Variants in RABGAP1 observed in about 807,000 individuals in gnomAD.
RABGAP1 encodes rab GTPase-activating protein 1.
In RABGAP1, 23 loss-of-function variants were observed where a neutral mutation model predicts 137.6. That is an observed-to-expected ratio of 0.17 (90% CI 0.12 to 0.24). The LOEUF (loss-of-function observed/expected upper bound fraction) is 0.24. RABGAP1 is among the 10% of genes least tolerant of loss of function. The probability of loss-of-function intolerance (pLI) is 1.00; values close to 1 mark genes in which losing one functional copy is unlikely to be tolerated. For missense variants in RABGAP1, 906 were observed against 1,275.8 expected (o/e 0.71, Z 4.42); for synonymous variants, 451 against 450.7 (o/e 1.00, Z -0.01).
chr9:123,048,045 T>G (rs1004260639), intron 13 of RABGAP1, among the ~76,000 whole-genome samples: 1 of 148,734 alleles, frequency 6.7e-6, no homozygotes, highest in Non-Finnish European at 1.5e-5. Flanking sequence ...GTTCAAGCGA[T>G]TCTCCTGCCT....
chr9:122,958,523 C>A (rs1834665187), intron 2 of RABGAP1, among the ~76,000 whole-genome samples: 1 of 151,844 alleles, frequency 6.6e-6, no homozygotes, highest in African/African-American at 2.4e-5. Flanking sequence ...TGGGGAACAT[C>A]ACACACAGGG....
rs2131818690 is a variant in RABGAP1 at position 122,997,415 on chromosome 9, C to A, written c.1204+54C>A. ...GAAATTTTAGTCTCAAGAAGAGATG[C>A]AAAACTAAGGACCCCTTCTTTGACC... On this transcript the variant is annotated intron_variant, in intron 9 of 25. Transcript: ENST00000373647. The A allele has an allele frequency of 3.8e-6, 5 of 1,316,680 alleles. No individual in the cohort carries two copies. The South Asian group carries it at 5.6e-5, about 15-fold the overall frequency. The allele number at this position is 1,316,680 out of a possible 1,614,324, so 81.6% of individuals were successfully genotyped here.
chr9:122,945,147 C>CTTTTTTTTTTTTTTTTTTTTTTT lies in RABGAP1; in HGVS notation c.-50+4070_-50+4071insTTTTTTTTTTTTTTTTTTTTTTT, dbSNP rs202090815. 3.4e-3 allele frequency among the ~76,000 whole-genome samples: 254 copies of CTTTTTTTTTTTTTTTTTTTTTTT among 75,786 alleles called. 87 individuals are homozygous for CTTTTTTTTTTTTTTTTTTTTTTT. Among genetic ancestry groups the CTTTTTTTTTTTTTTTTTTTTTTT allele is most frequent in the Non-Finnish European group, 5.6e-3 (195 of 34,980 alleles). The allele number at this position is 75,786 out of a possible 152,430, so 49.7% of individuals were successfully genotyped here. A position where few individuals can be genotyped will look rare whatever the true frequency, so the allele number is the denominator to read the frequency against. On this transcript the variant is annotated intron_variant, in intron 1 of 25. Transcript: ENST00000373647. ...CACCATGTATACATCATAGCTGTTG[C>CTTTTTTTTTTTTTTTTTTTTTTT]TTTTTTTTTTTTTTTTAGCATAAAC...
In RABGAP1 at chr9:123,015,289, CTTTT is replaced by C. The variant is rs34492374; in HGVS notation, c.1550-238_1550-235del. Among the ~76,000 whole-genome samples, 1,109 of 121,678 alleles carry C rather than the reference CTTTT, an allele frequency of 9.1e-3. 13 individuals carry two copies. The highest frequency in any genetic ancestry group is 0.032 in the African/African-American group (1,048 of 33,148). 79.8% of individuals were successfully genotyped at this position (121,678 alleles called of 152,430 possible). A position where few individuals can be genotyped will look rare whatever the true frequency, so the allele number is the denominator to read the frequency against. On this transcript the variant is annotated intron_variant, in intron 11 of 25. Coordinates refer to ENST00000373647, the MANE Select transcript of RABGAP1 (RefSeq NM_012197.4). The stretch of plus-strand genomic sequence containing the variant: ...CTATAGTTTTATAATTAAATAGCTC[CTTTT>C]TTTTTTTTTTTTTTTGCAATTGACA...
rs1406651297 is a variant in RABGAP1, at chr9:122,990,092, C to A, written c.802C>A (p.Arg268Ser). ...ACTTTACAGTTTTGCCACTGCCTTC[C>A]GCCGTTCTGCCAAGCAGACCCCACT... The part of the protein sequence containing the change: ...RILYSFATAF[R>S]RSAKQTPLSA... The change falls in exon 6 of 26, where the codon CGC becomes AGC. Residue 268 changes from arginine (R) to serine (S), a missense_variant. By Grantham distance (110) the Arg-to-Ser change is moderately radical. Coordinates refer to ENST00000373647, the MANE Select transcript of RABGAP1 (RefSeq NM_012197.4). 1 of 1,610,582 alleles carries A rather than the reference C, an allele frequency of 6.2e-7. No individual in the cohort carries two copies. The highest frequency in any genetic ancestry group is 1.7e-5 in the Admixed American group (1 of 59,938).
At chr9:122,945,394 G>A (rs1189682333) in intron 1 of RABGAP1, 1 of 152,026 alleles carries the variant, frequency 6.6e-6, no homozygotes, top group African/African-American at 2.4e-5. Flanking sequence ...TGGCCTGAAA[G>A]TTTCCCTCCT....
intron 1 of RABGAP1, among the ~76,000 whole-genome samples, chr9:122,956,539 A>G (rs992256661): frequency 6.6e-6 from 1 of 151,678 alleles, no homozygotes; most frequent in Non-Finnish European, 1.5e-5. Flanking sequence ...AGTCCTAGCT[A>G]CTCAGGAGGC....
intron 13 of RABGAP1, among the ~76,000 whole-genome samples, chr9:123,054,719 A>G (rs146589814): frequency 1.2e-3 from 186 of 152,224 alleles, no homozygotes; most frequent in East Asian, 0.01. Flanking sequence ...GTTGACTGTA[A>G]CAGTTTCTTA....
intron 2 of RABGAP1, among the ~76,000 whole-genome samples, chr9:122,958,760 A>G (rs957040142): frequency 2.0e-5 from 3 of 152,180 alleles, no homozygotes; most frequent in South Asian, 2.1e-4. Flanking sequence ...TATAATCCCA[A>G]CGCTTTGGGA....
intron 13 of RABGAP1, among the ~76,000 whole-genome samples, chr9:123,057,743 T>G (rs1331907932): frequency 6.6e-6 from 1 of 152,200 alleles, no homozygotes; most frequent in Non-Finnish European, 1.5e-5. Context: ...ATCACGCCAC[T>G]GCACTCCAGC....
intron 10 of RABGAP1, among the ~76,000 whole-genome samples, chr9:123,007,315 T>TC (rs954070844): frequency 3.3e-5 from 5 of 151,536 alleles, no homozygotes; most frequent in African/African-American, 1.2e-4. Flanking sequence ...CCTCAAGTAA[T>TC]CTACTTGCCT....
intron 13 of RABGAP1, among the ~76,000 whole-genome samples, chr9:123,064,503 T>TA (rs1201432103): frequency 6.6e-6 from 1 of 152,128 alleles, no homozygotes; most frequent in Non-Finnish European, 1.5e-5. Flanking sequence ...AAAACAGAGG[T>TA]ATCATGTTCT....
chr9:122,956,507 G>T (rs1009329039), intron 1 of RABGAP1, among the ~76,000 whole-genome samples: 2 of 152,026 alleles, frequency 1.3e-5, no homozygotes, highest in Non-Finnish European at 2.9e-5. Context: ...AAAATTAGCC[G>T]GGCGTGGTGG....
intron 13 of RABGAP1, among the ~76,000 whole-genome samples, chr9:123,039,675 A>G (rs2032857046): frequency 1.3e-5 from 2 of 152,208 alleles, no homozygotes; most frequent in South Asian, 4.1e-4. Context: ...TTCGGCCCAG[A>G]GAACTTCAGG....
intron 13 of RABGAP1, among the ~76,000 whole-genome samples, chr9:123,058,148 C>T (rs1352848143): frequency 3.3e-5 from 5 of 152,188 alleles, no homozygotes; most frequent in Admixed American, 3.3e-4. Context: ...TTAAGAATCA[C>T]TGTTCTACTT....
chr9:123,075,492 A>G (rs2034482694), intron 17 of RABGAP1, among the ~76,000 whole-genome samples: 1 of 152,214 alleles, frequency 6.6e-6, no homozygotes, highest in African/African-American at 2.4e-5. Context: ...AAGAAACAGA[A>G]GAAATAAATA....
At chr9:123,035,626 G>GT in intron 13 of RABGAP1, 1 of 1,497,760 alleles carries the variant, frequency 6.7e-7, no homozygotes, top group South Asian at 1.2e-5. Flanking sequence ...AAGTGGCTCA[G>GT]TTACGGGGTT....
At chr9:123,040,357 A>T (rs929984698) in intron 13 of RABGAP1, among the ~76,000 whole-genome samples, 1 of 152,206 alleles carries the variant, frequency 6.6e-6, no homozygotes, top group Non-Finnish European at 1.5e-5. Flanking sequence ...GCAGATATTT[A>T]TGGGAAGCCA....
intron 2 of RABGAP1, among the ~76,000 whole-genome samples, chr9:122,968,550 G>A (rs1459426562): frequency 6.6e-6 from 1 of 151,872 alleles, no homozygotes; most frequent in East Asian, 1.9e-4. Context: ...ATTTTTAAAT[G>A]TTCAATTAAA....
Sources: allele counts gnomAD v4.1 joint callset (sites outside exome capture counted in the v4.1 genomes callset), GRCh38; gene constraint gnomAD v4.1.1; transcripts MANE v1.5; gene names NCBI Gene and HGNC (gene_info 2026-07-23, HGNC 2026-07-21).